The following UTP14C variants were observed in gnomAD, a reference collection of about 807,000 sequenced individuals.
UTP14C encodes U3 small nucleolar RNA-associated protein 14 homolog C.
Under a neutral mutation model 14.6 loss-of-function variants are expected in UTP14C, and 10 were observed. The observed-to-expected ratio is 0.68, with a 90% CI of 0.42 to 1.16. UTP14C has a LOEUF of 1.16. Among genes scored for constraint, UTP14C ranks in the 50% most tolerant of loss-of-function variants. UTP14C has a pLI of 0.00. For missense variants in UTP14C, 818 were observed against 890.8 expected, an observed-to-expected ratio of 0.92 and a Z score of 1.04; for synonymous variants, 315 against 331.6, an observed-to-expected ratio of 0.95 and a Z score of 0.54.
intron 1 of UTP14C, among the ~76,000 whole-genome samples, chr13:52,028,090 C>G (rs1954258900): frequency 6.7e-6 from 1 of 150,370 alleles, no homozygotes; most frequent in Middle Eastern, 3.5e-3. Context: ...GAGACCCTAT[C>G]TCTTAAAAAA....
Position 52,030,448 on chromosome 13 carries a change from G to GGAGAA in UTP14C, c.1647_1651dup (p.Lys551ArgfsTer8). The GGAGAA allele has an allele frequency of 6.2e-7, 1 of 1,614,210 alleles. No individual in the cohort carries two copies. The highest frequency in any genetic ancestry group is 8.5e-7 in the Non-Finnish European group (1 of 1,180,038). The stretch of plus-strand genomic sequence containing the variant: ...CAAATAATCGGCCTGATGCCCCTAA[G>GGAGAA]GAGAAGAAAGAGAAGGAGCAACTGA... On this transcript the variant is annotated frameshift_variant, in exon 2 of 2. Coordinates refer to ENST00000521776, the MANE Select transcript of UTP14C (RefSeq NM_021645.6). LOFTEE classifies it low-confidence loss of function (END_TRUNC).
intron 1 of UTP14C, among the ~76,000 whole-genome samples, chr13:52,027,703 C>G (rs1008187362): frequency 1.3e-5 from 2 of 152,336 alleles, no homozygotes; most frequent in Non-Finnish European, 2.9e-5. Flanking sequence ...ATGCAGTAGT[C>G]TCAAATATGC....
In UTP14C at chr13:52,031,388, A is replaced by G; in HGVS notation, c.*283A>G. ...TTTCCTTAAAAAAGAAATTTTAAAC[A>G]GACTTGTTTAATCGTGTTCTCAAAG... is the stretch of plus-strand genomic sequence containing the variant. On this transcript the variant is annotated 3_prime_UTR_variant, in exon 2 of 2. Coordinates refer to ENST00000521776, the MANE Select transcript of UTP14C (RefSeq NM_021645.6). 1 of 410,290 alleles carries G rather than the reference A, an allele frequency of 2.4e-6. No individual in the cohort carries two copies. The highest frequency in any genetic ancestry group is 4.5e-6 in the Non-Finnish European group (1 of 224,018). The allele number at this position is 410,290 out of a possible 1,614,324, so 25.4% of individuals were successfully genotyped here.
rs1042878673 is a variant in UTP14C, at chr13:52,032,968, C to A, written c.*1863C>A. 2 of 167,018 alleles carry A rather than the reference C, an allele frequency of 1.2e-5. No individual in the cohort carries two copies. Among genetic ancestry groups the A allele is most frequent in the Non-Finnish European group, 1.5e-5 (1 of 68,104 alleles). 10.3% of individuals were successfully genotyped at this position (167,018 alleles called of 1,614,324 possible). A position where few individuals can be genotyped will look rare whatever the true frequency, so the allele number is the denominator to read the frequency against. ...TTTGAAGTAAGATTCAAACTGTTAT[C>A]CACTCAATTGCCTTATTCCTGAGGA... On this transcript the variant is annotated 3_prime_UTR_variant, in exon 2 of 2. Coordinates refer to ENST00000521776, the MANE Select transcript of UTP14C (RefSeq NM_021645.6).
rs776182925 is a variant in UTP14C, at chr13:52,030,637, G to T, written c.1833G>T (p.Lys611Asn). The T allele has an allele frequency of 3.7e-6, 6 of 1,614,200 alleles. No homozygotes were observed. Among genetic ancestry groups the T allele is most frequent in the East Asian group, 2.2e-5 (1 of 44,890 alleles). The change falls in exon 2 of 2, where the codon AAG (lysine) becomes AAT (asparagine). Residue 611 changes from lysine (K) to asparagine (N), a missense_variant. By Grantham distance (94) the Lys-to-Asn change is moderately conservative. Coordinates refer to ENST00000521776, the MANE Select transcript of UTP14C (RefSeq NM_021645.6). The stretch of plus-strand genomic sequence containing the variant: ...TCATCAGAGATTTCTTGAAAGAGAA[G>T]AGGGAAGCTGTGGAGGCGAGTAAGC... ...DDVIRDFLKE[K>N]REAVEASKPK...
chr13:52,033,577 T>TTTGTC lies in UTP14C; in HGVS notation c.*2476_*2480dup, dbSNP rs1954328233. On this transcript the variant is annotated 3_prime_UTR_variant, in exon 2 of 2. Transcript: ENST00000521776. ...ATTAAAGAAGAAACAAAAATAAAAG[T>TTTGTC]TTGTCTTGCTTGTGAAACATTAAGA... 1 of 166,892 alleles carries TTTGTC rather than the reference T, an allele frequency of 6.0e-6. No individual in the cohort carries two copies. The highest frequency in any genetic ancestry group is 6.5e-5 in the Admixed American group (1 of 15,268). The allele number at this position is 166,892 out of a possible 1,614,324, so 10.3% of individuals were successfully genotyped here. A position where few individuals can be genotyped will look rare whatever the true frequency, so the allele number is the denominator to read the frequency against.
rs760311283 is a variant in UTP14C at position 52,029,373 on chromosome 13, T to A, written c.569T>A (p.Leu190His). The A allele has an allele frequency of 1.2e-6, 2 of 1,613,900 alleles. No individual in the cohort carries two copies. The highest frequency in any genetic ancestry group is 1.7e-6 in the Non-Finnish European group (2 of 1,179,996). ...CCCCTGGAGCAGGAAATTTTTAACC[T>A]CCTCCATAAGAACAAGCAGCCAGTG... is the stretch of plus-strand genomic sequence containing the variant. ...RTPLEQEIFN[L>H]LHKNKQPVTD... Residue 190 changes from leucine to histidine, a missense_variant, in exon 2 of 2, where the codon CTC becomes CAC. Transcript: ENST00000521776.
At chr13:52,026,615 A>T (rs945964519) in intron 1 of UTP14C, among the ~76,000 whole-genome samples, 1 of 152,168 alleles carries the variant, frequency 6.6e-6, no homozygotes, top group Non-Finnish European at 1.5e-5. Flanking sequence ...GTGTTAAATG[A>T]GGGAGGAAGA....
At chr13:52,027,086 G>A (rs979080224) in intron 1 of UTP14C, among the ~76,000 whole-genome samples, 12 of 152,154 alleles carry the variant, frequency 7.9e-5, no homozygotes, top group Middle Eastern at 3.2e-3. Flanking sequence ...CCAGATGCTG[G>A]GGAAGGTAAG....
chr13:52,030,107 A>G lies in UTP14C; in HGVS notation c.1303A>G (p.Asn435Asp), dbSNP rs1954283825. ...ATCCCTTAGAAAAAGATCTGAGCTC[A>G]ACCAGGATGCTGAGCCAGCAAGCAG... The part of the protein sequence containing the change: ...RQSLRKRSEL[N>D]QDAEPASSQE... The change falls in exon 2 of 2, where the codon AAC (asparagine) becomes GAC (aspartate). Residue 435 changes from asparagine to aspartate, a missense_variant. Physicochemically the swap from Asn to Asp is conservative, Grantham distance 23. Coordinates refer to ENST00000521776, the MANE Select transcript of UTP14C (RefSeq NM_021645.6). 1 of 1,614,156 alleles carries G rather than the reference A, an allele frequency of 6.2e-7. No homozygotes were observed. The highest frequency in any genetic ancestry group is 8.5e-7 in the Non-Finnish European group (1 of 1,180,060).
rs1954281088 is a variant in UTP14C at position 52,029,852 on chromosome 13, G to A, written c.1048G>A (p.Glu350Lys). Reference protein sequence around the residue: ...SESEEEEGGTEVEELLVPHVA... With the variant: ...SESEEEEGGTKVEELLVPHVA... ...GAGTGAGGAAGAGGAGGGAGGCACA[G>A]AAGTGGAAGAACTCCTTGTCCCTCA... Residue 350 changes from glutamate (E) to lysine (K), a missense_variant, in exon 2 of 2, where the codon GAA becomes AAA. Transcript: ENST00000521776. The A allele has an allele frequency of 6.2e-7, 1 of 1,614,136 alleles. No homozygotes were observed. Among genetic ancestry groups the A allele is most frequent in the Admixed American group, 1.7e-5 (1 of 60,014 alleles).
rs746602020 is a variant in UTP14C at position 52,029,019 on chromosome 13, A to C, written c.215A>C (p.Glu72Ala). The part of the protein sequence containing the change: ...ERSEASLKVS[E>A]FSVSSEGSGE... ...TCTGAGGCTAGTCTGAAAGTGTCAG[A>C]GTTCAGTGTCAGTTCTGAAGGATCA... Residue 72 changes from glutamate (E) to alanine (A), a missense_variant, in exon 2 of 2, where the codon GAG (glutamate) becomes GCG (alanine). Coordinates refer to ENST00000521776, the MANE Select transcript of UTP14C (RefSeq NM_021645.6). 1 of 1,614,266 alleles carries C rather than the reference A, an allele frequency of 6.2e-7. No homozygotes were observed. The highest frequency in any genetic ancestry group is 8.5e-7 in the Non-Finnish European group (1 of 1,180,050).
rs1954312616 is a variant in UTP14C at position 52,032,192 on chromosome 13, A to G, written c.*1087A>G. On this transcript the variant is annotated 3_prime_UTR_variant, in exon 2 of 2. Coordinates refer to ENST00000521776, the MANE Select transcript of UTP14C (RefSeq NM_021645.6). The stretch of plus-strand genomic sequence containing the variant: ...AGCCAAGATTGTGCCACTGCACTCT[A>G]GCCTGGGCAATAAGCAAAACTCCAT... The G allele has an allele frequency of 1.3e-5, 2 of 154,912 alleles. No homozygotes were observed. The highest frequency in any genetic ancestry group is 2.9e-5 in the Non-Finnish European group (2 of 68,078). The allele number at this position is 154,912 out of a possible 1,614,324, so 9.6% of individuals were successfully genotyped here.
chr13:52,028,409 A>T lies in UTP14C; in HGVS notation c.-396A>T. On this transcript the variant is annotated 5_prime_UTR_variant, in exon 2 of 2. Transcript: ENST00000521776. ...GACATTGTGGTTCCTCACGAAGGAG[A>T]TATAACTGGCTTTCTGGCTGAGAGT... 1 of 1,614,170 alleles carries T rather than the reference A, an allele frequency of 6.2e-7. No homozygotes were observed. The highest frequency in any genetic ancestry group is 8.5e-7 in the Non-Finnish European group (1 of 1,180,046).
In UTP14C at chr13:52,030,398, G is replaced by C. The variant is rs767239435; in HGVS notation, c.1594G>C (p.Glu532Gln). ...QNKELPRPVL[E>Q]GQQSERTPNN... ...TAAGGAGCTTCCCAGACCTGTGTTA[G>C]AAGGACAGCAGTCAGAGAGGACCCC... Residue 532 changes from glutamate to glutamine, a missense_variant, in exon 2 of 2, where the codon GAA becomes CAA. Coordinates refer to ENST00000521776, the MANE Select transcript of UTP14C (RefSeq NM_021645.6). 7 of 1,614,204 alleles carry C rather than the reference G, an allele frequency of 4.3e-6. No homozygotes were observed. In the South Asian group the frequency reaches 7.7e-5, roughly 18 times the overall value.
Position 52,032,821 on chromosome 13 carries a change from TTAAATC to T in UTP14C, c.*1721_*1726del, listed in dbSNP as rs1406897080. On this transcript the variant is annotated 3_prime_UTR_variant, in exon 2 of 2. Coordinates refer to ENST00000521776, the MANE Select transcript of UTP14C (RefSeq NM_021645.6). ...TTTCAGCTTTACAGACAAGAACAATTTAAATCTAAAGAATTTAGTAGATTCCTTCAG... is the reference window on the plus strand; with the variant it reads ...TTTCAGCTTTACAGACAAGAACAATTTAAAGAATTTAGTAGATTCCTTCAG... 1.2e-5 allele frequency: 2 copies of T among 167,112 alleles called. No individual in the cohort carries two copies. The highest frequency in any genetic ancestry group is 2.9e-5 in the Non-Finnish European group (2 of 68,122). The allele number at this position is 167,112 out of a possible 1,614,324, so 10.4% of individuals were successfully genotyped here.
chr13:52,024,734 C>G lies in UTP14C; in HGVS notation c.-690C>G, dbSNP rs1465218841. 6.2e-7 allele frequency: 1 copy of G among 1,614,246 alleles called. No individual in the cohort carries two copies. Among genetic ancestry groups the G allele is most frequent in the Non-Finnish European group, 8.5e-7 (1 of 1,180,046 alleles). On this transcript the variant is annotated 5_prime_UTR_variant, in exon 1 of 2. Transcript: ENST00000521776. ...AATAAGAAGATGGTTGAGTCACCTC[C>G]TTCGCTTAAACTTGTCCTCATTGGA...
At chr13:52,026,112 A>G (rs927480533) in intron 1 of UTP14C, among the ~76,000 whole-genome samples, 1 of 152,224 alleles carries the variant, frequency 6.6e-6, no homozygotes, top group African/African-American at 2.4e-5. Context: ...GCCAGGTGCT[A>G]TGCTAAGGAA....
At chr13:52,026,593 G>A (rs1269335585) in intron 1 of UTP14C, among the ~76,000 whole-genome samples, 1 of 152,194 alleles carries the variant, frequency 6.6e-6, no homozygotes, top group African/African-American at 2.4e-5. Context: ...AGGACTTGGT[G>A]ATTAACTGGA....
Sources: gnomAD v4.1 joint callset for allele counts (sites outside exome capture counted in the v4.1 genomes callset) on GRCh38, gnomAD v4.1.1 for gene constraint, MANE v1.5 for transcripts, NCBI Gene and HGNC (gene_info 2026-07-23, HGNC 2026-07-21) for gene names.